The following LRFN5 variants were observed in gnomAD, a reference collection of about 807,000 sequenced individuals.
LRFN5 encodes leucine rich repeat and fibronectin type III domain containing 5.
Under a neutral mutation model 45.6 loss-of-function variants are expected in LRFN5, and 24 were observed. The observed-to-expected ratio is 0.53, with a 90% CI of 0.38 to 0.74. The LOEUF (loss-of-function observed/expected upper bound fraction) is 0.74, where lower values mean the gene tolerates loss of function less well. Ranked by LOEUF, LRFN5 falls within the 30% of genes least tolerant of loss-of-function variation. The pLI is 0.00. For missense variants in LRFN5, 776 were observed against 861.5 expected (o/e 0.90, Z 1.24); for synonymous variants, 340 against 313.8 (o/e 1.08, Z -0.88).
At chr14:41,892,139 A>G in intron 4 of LRFN5, 177 bp downstream of exon 4, 1 of 985,392 alleles carries the variant, frequency 1.0e-6, no homozygotes, top group Non-Finnish European at 1.2e-6. Flanking sequence ...TGATGGTCAT[A>G]GTGGAAAGGC....
intron 1 of LRFN5, among the ~76,000 whole-genome samples, chr14:41,652,366 C>T (rs868730580): frequency 7.9e-5 from 12 of 151,918 alleles, no homozygotes; most frequent in South Asian, 2.1e-4. Context: ...ATTGTTAAAT[C>T]AATAAGTCAG....
chr14:41,734,370 G>T (rs1884333248), intron 1 of LRFN5, among the ~76,000 whole-genome samples: 1 of 76,654 alleles, frequency 1.3e-5, no homozygotes, highest in Non-Finnish European at 2.9e-5. Flanking sequence ...ACTTATTGAT[G>T]AATTGACCTT....
chr14:41,735,289 A>G (rs923745455), intron 1 of LRFN5, among the ~76,000 whole-genome samples: 13 of 152,010 alleles, frequency 8.6e-5, no homozygotes, highest in African/African-American at 2.9e-4. Context: ...ATTTTTTGAT[A>G]CAGTGTCTCA....
At chr14:41,863,759 G>A (rs1473315388) in intron 2 of LRFN5, among the ~76,000 whole-genome samples, 4 of 152,266 alleles carry the variant, frequency 2.6e-5, no homozygotes, top group Non-Finnish European at 5.9e-5. Context: ...AGGTATACAC[G>A]TCGCATTGTC....
At chr14:41,794,985 TG>T (rs1158477173) in intron 2 of LRFN5, among the ~76,000 whole-genome samples, 2 of 150,942 alleles carry the variant, frequency 1.3e-5, no homozygotes, top group African/African-American at 4.9e-5. Flanking sequence ...TGCATATGTA[TG>T]CATGCTGTAT....
At chr14:41,698,101 A>G (rs1882691779) in intron 1 of LRFN5, among the ~76,000 whole-genome samples, 1 of 151,942 alleles carries the variant, frequency 6.6e-6, no homozygotes, top group Non-Finnish European at 1.5e-5. Context: ...AGGGCTATAG[A>G]TTTACACTTA....
intron 1 of LRFN5, among the ~76,000 whole-genome samples, chr14:41,717,989 TA>T (rs1883559206): frequency 1.3e-5 from 2 of 152,284 alleles, no homozygotes; most frequent in Admixed American, 1.3e-4. Context: ...GTTCTTAGCT[TA>T]GGTGAAGCTA....
intron 1 of LRFN5, among the ~76,000 whole-genome samples, chr14:41,743,481 C>G (rs932854213): frequency 6.6e-6 from 1 of 151,968 alleles, no homozygotes; most frequent in Admixed American, 6.6e-5. Flanking sequence ...AAAAATAAAA[C>G]AGTTTATCTC....
intron 1 of LRFN5, among the ~76,000 whole-genome samples, chr14:41,753,441 T>C (rs1160260079): frequency 1.3e-5 from 2 of 152,156 alleles, no homozygotes; most frequent in East Asian, 1.9e-4. Context: ...TTTTATTTCA[T>C]TGAGCAGTGG....
intron 2 of LRFN5, among the ~76,000 whole-genome samples, chr14:41,809,917 C>A (rs939928039): frequency 2.0e-5 from 3 of 151,944 alleles, no homozygotes; most frequent in Non-Finnish European, 4.4e-5. Flanking sequence ...CAGACAATTA[C>A]TGACAATCTG....
intron 2 of LRFN5, among the ~76,000 whole-genome samples, chr14:41,789,114 T>G (rs1337843129): frequency 2.0e-5 from 3 of 152,024 alleles, no homozygotes; most frequent in Non-Finnish European, 4.4e-5. Context: ...GCATTCTAAA[T>G]TGTGCCATTT....
chr14:41,754,007 A>G (rs1885257752), intron 1 of LRFN5, among the ~76,000 whole-genome samples: 1 of 152,200 alleles, frequency 6.6e-6, no homozygotes, highest in South Asian at 2.1e-4. Context: ...CCTTTTCTGC[A>G]TCTATTGAGA....
At chr14:41,663,126 A>G (rs767856467) in intron 1 of LRFN5, among the ~76,000 whole-genome samples, 7 of 152,150 alleles carry the variant, frequency 4.6e-5, no homozygotes, top group African/African-American at 7.2e-5. Context: ...AGAGGTGACT[A>G]ACATTATTTT....
At chr14:41,609,710 G>C (rs1956449) in intron 1 of LRFN5, among the ~76,000 whole-genome samples, 2,247 of 152,232 alleles carry the variant, frequency 0.015, 23 homozygotes, top group Non-Finnish European at 0.025. Flanking sequence ...TTTGTCTCCC[G>C]CCTTTGGGAG....
intron 1 of LRFN5, among the ~76,000 whole-genome samples, chr14:41,744,288 T>C (rs571226561): frequency 3.2e-4 from 49 of 152,202 alleles, no homozygotes; most frequent in Non-Finnish European, 6.2e-4. Flanking sequence ...GCCCAGGCGG[T>C]TGAAGCTGCA....
intron 2 of LRFN5, among the ~76,000 whole-genome samples, chr14:41,879,512 T>C (rs1026366380): frequency 4.0e-5 from 6 of 151,676 alleles, no homozygotes; most frequent in African/African-American, 1.5e-4. Context: ...TATTTTTCTC[T>C]CTTTCTATAT....
At chr14:41,893,683 A>G (rs190859329) in intron 4 of LRFN5, 6 of 983,898 alleles carry the variant, frequency 6.1e-6, no homozygotes, top group African/African-American at 1.7e-5. Flanking sequence ...CTGATACACA[A>G]TGTATCATGA....
At chr14:41,688,289 C>T (rs535675923) in intron 1 of LRFN5, among the ~76,000 whole-genome samples, 2 of 151,942 alleles carry the variant, frequency 1.3e-5, no homozygotes, top group African/African-American at 4.8e-5. Flanking sequence ...ATTTATTGTA[C>T]GTTTAAAAAC....
At chr14:41,853,547 A>G (rs1889347012) in intron 2 of LRFN5, among the ~76,000 whole-genome samples, 1 of 152,078 alleles carries the variant, frequency 6.6e-6, no homozygotes, top group Non-Finnish European at 1.5e-5. Flanking sequence ...ATAAGGTTGT[A>G]GGGAGTAGTT....
Sources: gnomAD v4.1 joint callset for allele counts (sites outside exome capture counted in the v4.1 genomes callset) on GRCh38, gnomAD v4.1.1 for gene constraint, MANE v1.5 for transcripts, NCBI Gene and HGNC (gene_info 2026-07-23, HGNC 2026-07-21) for gene names.